AP1B1: variants seen among roughly 807,000 people sequenced by gnomAD.
AP1B1 encodes the protein adaptor related protein complex 1 subunit beta 1.
In AP1B1, 36 loss-of-function variants were observed where a neutral mutation model predicts 104.3. The observed-to-expected ratio is 0.35, with a 90% CI of 0.26 to 0.46. The LOEUF (loss-of-function observed/expected upper bound fraction) is 0.46, where lower values mean the gene tolerates loss of function less well. AP1B1 is among the 20% of genes least tolerant of loss of function. The pLI, the probability that AP1B1 is intolerant of heterozygous loss-of-function variation, is 1.00. For synonymous variants in AP1B1, 504 were observed against 517.5 expected (o/e 0.97, Z 0.35); for missense variants, 901 against 1,247.9 (o/e 0.72, Z 4.19).
chr22:29,371,591 T>C (rs917450948), intron 1 of AP1B1, among the ~76,000 whole-genome samples: 3 of 151,982 alleles, frequency 2.0e-5, no homozygotes, highest in South Asian at 4.2e-4. Context: ...ATTAGCCGGG[T>C]GTGGTGGCAC....
At chr22:29,374,626 C>T (rs1169353216) in intron 1 of AP1B1, among the ~76,000 whole-genome samples, 2 of 152,162 alleles carry the variant, frequency 1.3e-5, no homozygotes, top group Non-Finnish European at 2.9e-5. Flanking sequence ...AATAACACCC[C>T]ATGTTGGAGC....
chr22:29,382,322 C>T (rs1047648708), intron 1 of AP1B1, among the ~76,000 whole-genome samples: 1 of 152,206 alleles, frequency 6.6e-6, no homozygotes, highest in South Asian at 2.1e-4. Flanking sequence ...GCTGGGATTA[C>T]AGGCATGAGC....
intron 11 of AP1B1, among the ~76,000 whole-genome samples, chr22:29,347,352 A>G (rs1328002102): frequency 6.6e-6 from 1 of 152,234 alleles, no homozygotes; most frequent in East Asian, 1.9e-4. Flanking sequence ...ACATTACACA[A>G]AGCACCCTAA....
intron 16 of AP1B1, among the ~76,000 whole-genome samples, chr22:29,337,418 T>A (rs945069868): frequency 2.6e-5 from 4 of 152,112 alleles, no homozygotes; most frequent in Non-Finnish European, 2.9e-5. Flanking sequence ...TGCCAGGGGC[T>A]CCAGTCACCA....
intron 16 of AP1B1, among the ~76,000 whole-genome samples, chr22:29,336,866 C>G (rs547268095): frequency 1.3e-5 from 2 of 152,016 alleles, no homozygotes; most frequent in East Asian, 3.9e-4. Context: ...AAGGCCAGCT[C>G]CAGGCTTATT....
intron 16 of AP1B1, among the ~76,000 whole-genome samples, chr22:29,336,130 C>G (rs868564355): frequency 6.6e-6 from 1 of 152,246 alleles, no homozygotes; most frequent in Non-Finnish European, 1.5e-5. Context: ...CCAGCAGACT[C>G]AAATGGTGAG....
intron 5 of AP1B1, 33 bp downstream of exon 5, chr22:29,358,693 G>A: frequency 1.9e-6 from 3 of 1,593,614 alleles, no homozygotes; most frequent in African/African-American, 1.3e-5. Flanking sequence ...CCAGGAGGTG[G>A]TGGAGGTAGC....
In AP1B1 at chr22:29,330,808, C is replaced by T. The variant is rs543460834; in HGVS notation, c.2525-99G>A. On this transcript the variant is annotated intron_variant, in intron 19 of 22. Coordinates refer to ENST00000357586, the MANE Select transcript of AP1B1 (RefSeq NM_001127.4). ...AATGGGTCTGGCCTTTACTGTGCCA[C>T]GTGAAAGCTGACAACAGGCACTAGC... 9.7e-6 allele frequency: 10 copies of T among 1,025,770 alleles called. 1 individual carries two copies. Among genetic ancestry groups the T allele is most frequent in the East Asian group, 5.2e-5 (2 of 38,446 alleles). 63.5% of individuals were successfully genotyped at this position (1,025,770 alleles called of 1,614,324 possible).
At chr22:29,344,882 C>T (rs2061768702) in intron 11 of AP1B1, among the ~76,000 whole-genome samples, 1 of 152,026 alleles carries the variant, frequency 6.6e-6, no homozygotes, top group African/African-American at 2.4e-5. Context: ...GAAGATTCAA[C>T]AAGACAATAT....
chr22:29,334,852 C>T (rs2061614770), intron 16 of AP1B1, among the ~76,000 whole-genome samples: 1 of 152,232 alleles, frequency 6.6e-6, no homozygotes, highest in African/African-American at 2.4e-5. Context: ...TGGCCATCAC[C>T]GCCTGTCCTC....
intron 1 of AP1B1, among the ~76,000 whole-genome samples, chr22:29,370,113 AAACACAGAAAGT>A (rs1401440159): frequency 2.6e-5 from 4 of 152,118 alleles, no homozygotes. Context: ...GGCCACAAAG[AAACACAGAAAGT>A]AACACAGAAA....
At chr22:29,340,901 G>A (rs1265320172) in intron 13 of AP1B1, 44 bp from the exon 14 acceptor site, 1 of 1,546,396 alleles carries the variant, frequency 6.5e-7, no homozygotes, top group South Asian at 1.2e-5. Context: ...GGATGTCTCA[G>A]GAAGGTCAAA....
chr22:29,334,551 G>T, intron 16 of AP1B1, 141 bp from the exon 17 acceptor site: 1 of 922,030 alleles, frequency 1.1e-6, no homozygotes, highest in Non-Finnish European at 1.6e-6. Context: ...ACTGCTAGGG[G>T]ATGAACAGGT....
chr22:29,337,785 G>A (rs886235467), intron 16 of AP1B1, among the ~76,000 whole-genome samples: 29 of 152,138 alleles, frequency 1.9e-4, no homozygotes, highest in African/African-American at 4.1e-4. Flanking sequence ...AAGTCTGGCC[G>A]CTGTTTCCAC....
chr22:29,362,309 G>C, intron 3 of AP1B1, among the ~76,000 whole-genome samples: 1 of 152,010 alleles, frequency 6.6e-6, no homozygotes, highest in Non-Finnish European at 1.5e-5. Flanking sequence ...GGCCACTTAA[G>C]ACAGGGAGAT....
In AP1B1 at chr22:29,329,691, AAG is replaced by A. The variant is rs2061528109; in HGVS notation, c.2775+19_2775+20del. On this transcript the variant is annotated intron_variant, in intron 22 of 22. Transcript: ENST00000357586. ...CAAGACTGGGGAGGGCGGACGGGGA[AAG>A]AGAAAGCGATCTGCTAACCTCTAAG... 5 of 1,613,272 alleles carry A rather than the reference AAG, an allele frequency of 3.1e-6. No homozygotes were observed. Among genetic ancestry groups the A allele is most frequent in the Admixed American group, 1.7e-5 (1 of 59,924 alleles).
intron 5 of AP1B1, among the ~76,000 whole-genome samples, chr22:29,357,758 C>T (rs1316156990): frequency 7.1e-6 from 1 of 141,334 alleles, no homozygotes; most frequent in Admixed American, 7.3e-5. Context: ...GCAGTCTTAG[C>T]TCACTGCAAC....
intron 9 of AP1B1, among the ~76,000 whole-genome samples, chr22:29,350,434 G>A (rs889614717): frequency 6.6e-6 from 1 of 152,126 alleles, no homozygotes; most frequent in African/African-American, 2.4e-5. Flanking sequence ...GGACCTGAGG[G>A]CAAGGTGACT....
intron 16 of AP1B1, among the ~76,000 whole-genome samples, chr22:29,337,634 G>A (rs547976589): frequency 6.6e-6 from 1 of 152,308 alleles, no homozygotes; most frequent in East Asian, 1.9e-4. Flanking sequence ...ATCAGGCCTG[G>A]TTGGTCCCCT....
Sources: gnomAD v4.1 joint callset for allele counts (sites outside exome capture counted in the v4.1 genomes callset) on GRCh38, gnomAD v4.1.1 for gene constraint, MANE v1.5 for transcripts, NCBI Gene and HGNC (gene_info 2026-07-23, HGNC 2026-07-21) for gene names.